Variants in CLIP2 observed in about 807,000 individuals in gnomAD.
CLIP2 encodes the protein CAP-Gly domain-containing linker protein 2.
CLIP2 carries 41 observed loss-of-function variants against 111.7 expected under a neutral mutation model. The observed-to-expected ratio is 0.37, with a 90% CI of 0.29 to 0.48. CLIP2 has a LOEUF of 0.48. Among genes scored for constraint, CLIP2 ranks in the 20% least tolerant of loss-of-function variants. The pLI, the probability that CLIP2 is intolerant of heterozygous loss-of-function variation, is 0.99. For synonymous variants in CLIP2, 660 were observed against 644.2 expected, an observed-to-expected ratio of 1.02 and a Z score of -0.37; for missense variants, 1,160 against 1,422.1, an observed-to-expected ratio of 0.82 and a Z score of 2.96.
In CLIP2 at chr7:74,363,426, C is replaced by T. The variant is rs1790389053; in HGVS notation, c.1320-829C>T. On this transcript the variant is annotated intron_variant, in intron 7 of 16. Transcript: ENST00000223398. ...GTAGCCCTGATGCCTGGGCATTCCA[C>T]ATCCAGGGGCAGCCCTGGGAGTGGG... 1.3e-5 allele frequency among the ~76,000 whole-genome samples: 2 copies of T among 152,198 alleles called. 1 individual carries two copies. Among genetic ancestry groups the T allele is most frequent in the Admixed American group, 1.3e-4 (2 of 15,270 alleles).
chr7:74,337,085 A>G (rs1789495196), intron 2 of CLIP2, among the ~76,000 whole-genome samples: 1 of 151,466 alleles, frequency 6.6e-6, no homozygotes, highest in African/African-American at 2.4e-5. Flanking sequence ...ACGGGGTTTC[A>G]CCATGTGGGC....
At chr7:74,302,370 C>A (rs1034857012) in intron 1 of CLIP2, among the ~76,000 whole-genome samples, 9 of 151,958 alleles carry the variant, frequency 5.9e-5, no homozygotes, top group Non-Finnish European at 7.4e-5. Flanking sequence ...CGCACACCAC[C>A]ACGCCCAATT....
At chr7:74,305,138 A>G (rs1788442650) in intron 1 of CLIP2, among the ~76,000 whole-genome samples, 1 of 45,766 alleles carries the variant, frequency 2.2e-5, no homozygotes, top group Non-Finnish European at 9.7e-5. Context: ...CCTCCACTGT[A>G]CACTTACGTT....
chr7:74,289,938 T>C (rs537956344), intron 1 of CLIP2, among the ~76,000 whole-genome samples: 1 of 151,980 alleles, frequency 6.6e-6, no homozygotes, highest in Non-Finnish European at 1.5e-5. Flanking sequence ...CCGTTGCTTG[T>C]AGGAGAGGAG....
chr7:74,299,294 T>C (rs1358546406), intron 1 of CLIP2, among the ~76,000 whole-genome samples: 2 of 151,940 alleles, frequency 1.3e-5, no homozygotes, highest in Non-Finnish European at 2.9e-5. Context: ...CACTGCATTC[T>C]AGCCTGGGCA....
chr7:74,375,984 A>T lies in CLIP2; in HGVS notation c.1583A>T (p.His528Leu). ...EIEELQQCLLHSGPPPPDHPD... is the reference protein window; with the variant it reads ...EIEELQQCLLLSGPPPPDHPD... ...GAGGAGCTCCAGCAGTGCCTGTTGC[A>T]CTCGGGTCCCCCACCTCCGGACCAC... is the stretch of plus-strand genomic sequence containing the variant. Residue 528 changes from histidine (H) to leucine (L), a missense_variant, in exon 10 of 17, where the codon CAC becomes CTC. Physicochemically the swap from His to Leu is moderately conservative, Grantham distance 99. Transcript: ENST00000223398. 1 of 1,611,054 alleles carries T rather than the reference A, an allele frequency of 6.2e-7. No individual in the cohort carries two copies. Among genetic ancestry groups the T allele is most frequent in the African/African-American group, 1.3e-5 (1 of 74,954 alleles).
In CLIP2 at chr7:74,389,163, G is replaced by A. The variant is rs147544786; in HGVS notation, c.2624G>A (p.Arg875Gln). Residue 875 changes from arginine to glutamine, a missense_variant, in exon 13 of 17, where the codon CGG becomes CAG. Around this residue, in one of 5 missense-constraint regions of CLIP2, gnomAD observed 676 missense variants for 777.8 expected, o/e 0.87. Coordinates refer to ENST00000223398, the MANE Select transcript of CLIP2 (RefSeq NM_003388.5). ...KKVDALLKEK[R>Q]RLEAELETVS... ...GTGGACGCCCTCCTGAAGGAGAAGCGGCGCCTGGAGGCAGAGCTGGAGACC... is the reference window on the plus strand; with the variant it reads ...GTGGACGCCCTCCTGAAGGAGAAGCAGCGCCTGGAGGCAGAGCTGGAGACC... The A allele has an allele frequency of 3.0e-5, 49 of 1,613,624 alleles. No homozygotes were observed. Among genetic ancestry groups the A allele is most frequent in the Admixed American group, 1.3e-4 (8 of 59,960 alleles).
chr7:74,329,808 C>T (rs1401672865), intron 2 of CLIP2, among the ~76,000 whole-genome samples: 1 of 152,010 alleles, frequency 6.6e-6, no homozygotes, highest in Non-Finnish European at 1.5e-5. Flanking sequence ...GAGACAGAGT[C>T]TTGCTCTGTG....
chr7:74,351,071 GAAA>G, intron 3 of CLIP2, among the ~76,000 whole-genome samples: 2 of 77,946 alleles, frequency 2.6e-5, no homozygotes, highest in Non-Finnish European at 6.9e-5. Context: ...GAAAGAGAAA[GAAA>G]GAAAGAAAGA....
At chr7:74,357,254 C>T (rs782638410) in intron 5 of CLIP2, 26 bp from the exon 6 acceptor site, 1 of 1,609,502 alleles carries the variant, frequency 6.2e-7, no homozygotes, top group Non-Finnish European at 8.5e-7. Flanking sequence ...TCCCTGAGAC[C>T]CGCCTGCATC....
At chr7:74,299,623 T>A (rs566041715) in intron 1 of CLIP2, among the ~76,000 whole-genome samples, 1 of 152,092 alleles carries the variant, frequency 6.6e-6, no homozygotes, top group South Asian at 2.1e-4. Flanking sequence ...GGGCTCAGCC[T>A]CTTCCCCAGC....
chr7:74,401,496 C>T lies in CLIP2; in HGVS notation c.3067-9C>T. The T allele has an allele frequency of 6.2e-7, 1 of 1,613,998 alleles. No homozygotes were observed. The highest frequency in any genetic ancestry group is 8.5e-7 in the Non-Finnish European group (1 of 1,179,948). ...GCACCTGGCTCAGTGTCTCCCCTAA[C>T]TCTTCCAGACCATCGGCAATTCCGG... On this transcript the variant is annotated splice_polypyrimidine_tract_variant and intron_variant, in intron 15 of 16. Coordinates refer to ENST00000223398, the MANE Select transcript of CLIP2 (RefSeq NM_003388.5).
chr7:74,393,243 G>A (rs2116698317), intron 13 of CLIP2, among the ~76,000 whole-genome samples: 1 of 151,880 alleles, frequency 6.6e-6, no homozygotes, highest in East Asian at 1.9e-4. Flanking sequence ...GGCCAGGCTG[G>A]TCTCCAACTC....
intron 2 of CLIP2, among the ~76,000 whole-genome samples, chr7:74,332,945 C>G (rs1554731560): frequency 6.6e-6 from 1 of 152,204 alleles, no homozygotes; most frequent in African/African-American, 2.4e-5. Flanking sequence ...AAAAGCCAGT[C>G]CCCACCTCCA....
In CLIP2 at chr7:74,330,702, C is replaced by T. The variant is rs147098082; in HGVS notation, c.122-7746C>T. Among the ~76,000 whole-genome samples, 174 of 152,242 alleles carry T rather than the reference C, an allele frequency of 1.1e-3. 1 individual carries two copies. Among genetic ancestry groups the T allele is most frequent in the African/African-American group, 4.0e-3 (167 of 41,560 alleles). ...CATCATAAACACTGTCCTACATAAC[C>T]TGGACAAATAATGTTTTAAAGGTTG... On this transcript the variant is annotated intron_variant, in intron 2 of 16. Coordinates refer to ENST00000223398, the MANE Select transcript of CLIP2 (RefSeq NM_003388.5).
chr7:74,350,088 C>G (rs1789940045), intron 3 of CLIP2, among the ~76,000 whole-genome samples: 2 of 151,342 alleles, frequency 1.3e-5, no homozygotes. Flanking sequence ...GAGTCTCACT[C>G]TGTCACCCAG....
chr7:74,372,130 A>G (rs1347004823), intron 8 of CLIP2, among the ~76,000 whole-genome samples: 2 of 152,076 alleles, frequency 1.3e-5, no homozygotes, highest in Non-Finnish European at 2.9e-5. Context: ...TGTTCTGTGA[A>G]ATGCAAAAGC....
intron 2 of CLIP2, among the ~76,000 whole-genome samples, chr7:74,324,579 G>A (rs1789061691): frequency 6.6e-6 from 1 of 152,084 alleles, no homozygotes; most frequent in Non-Finnish European, 1.5e-5. Context: ...CCAATTGACA[G>A]GGGAGCCACA....
At chr7:74,296,801 A>AG (rs1788181237) in intron 1 of CLIP2, among the ~76,000 whole-genome samples, 1 of 151,610 alleles carries the variant, frequency 6.6e-6, no homozygotes, top group Non-Finnish European at 1.5e-5. Context: ...AAAAAAAAAA[A>AG]AAAAGAGAAA....
Sources: gnomAD v4.1 joint callset for allele counts (sites outside exome capture counted in the v4.1 genomes callset) on GRCh38, gnomAD v4.1.1 for gene constraint, gnomAD v4.1.1 regional missense constraint, MANE v1.5 for transcripts, NCBI Gene and HGNC (gene_info 2026-07-23, HGNC 2026-07-21) for gene names.